SPTBN5: variants seen among roughly 807,000 people sequenced by gnomAD.
The protein encoded by SPTBN5 is spectrin beta chain, non-erythrocytic 5.
In SPTBN5, 513 loss-of-function variants were observed where a neutral mutation model predicts 477.6. The observed-to-expected ratio is 1.07, with a 90% CI of 1.00 to 1.16. The LOEUF is 1.16. Ranked by LOEUF, SPTBN5 falls within the 50% of genes most tolerant of loss-of-function variation. The pLI, the probability that SPTBN5 is intolerant of heterozygous loss-of-function variation, is 0.00. For missense variants in SPTBN5, 5,062 were observed against 4,731.8 expected, an observed-to-expected ratio of 1.07 and a Z score of -2.05; for synonymous variants, 2,169 against 2,011.7, an observed-to-expected ratio of 1.08 and a Z score of -2.09.
chr15:41,880,308 C>CGGA lies in SPTBN5; in HGVS notation c.2660_2662dup (p.Leu887dup). The CGGA allele has an allele frequency of 6.2e-7, 1 of 1,600,884 alleles. No homozygotes were observed. The highest frequency in any genetic ancestry group is 8.5e-7 in the Non-Finnish European group (1 of 1,174,780). On this transcript the variant is annotated inframe_insertion, in exon 14 of 68. Coordinates refer to ENST00000320955, the MANE Select transcript of SPTBN5 (RefSeq NM_016642.4). ...CATGGCCTCCTCCAACCGGGCCCTG[C>CGGA]GGAGCTGGGGAGAGGTGGCCCAAGG...
chr15:41,858,235 T>A (rs2065985469), intron 49 of SPTBN5, among the ~76,000 whole-genome samples: 2 of 152,088 alleles, frequency 1.3e-5, no homozygotes, highest in African/African-American at 2.4e-5. Flanking sequence ...GAGGCGGAGG[T>A]TGCAGTGAGC....
chr15:41,853,865 T>C lies in SPTBN5; in HGVS notation c.9775-78A>G. 3.5e-6 allele frequency: 5 copies of C among 1,447,306 alleles called. No individual in the cohort carries two copies. The South Asian group carries it at 5.4e-5, about 16-fold the overall frequency. The allele number at this position is 1,447,306 out of a possible 1,614,324, so 89.7% of individuals were successfully genotyped here. A position where few individuals can be genotyped will look rare whatever the true frequency, so the allele number is the denominator to read the frequency against. ...GCTCTGCATTCAGGAGCACCAGGCC[T>C]CTCTGAGGAACCACCTCCACTCTGC... On this transcript the variant is annotated intron_variant, in intron 57 of 67. Coordinates refer to ENST00000320955, the MANE Select transcript of SPTBN5 (RefSeq NM_016642.4).
At chr15:41,867,180 T>C in intron 35 of SPTBN5, 54 bp from the exon 36 acceptor site, 1 of 1,475,220 alleles carries the variant, frequency 6.8e-7, no homozygotes, top group Non-Finnish European at 9.0e-7. Context: ...GGGCAGGGCC[T>C]GGCCTGCAGG....
chr15:41,857,473 T>C lies in SPTBN5; in HGVS notation c.8386A>G (p.Met2796Val), dbSNP rs748537507. The part of the protein sequence containing the change: ...ACEALRLRRS[M>V]EELENWLEPI... ...TCCAGCCAGTTCTCCAGTTCCTCCA[T>C]GCTCCGCCGCAGACGCAGGGCCTAG... Residue 2796 changes from methionine to valine, a missense_variant, in exon 51 of 68, where the codon ATG (methionine) becomes GTG (valine). Coordinates refer to ENST00000320955, the MANE Select transcript of SPTBN5 (RefSeq NM_016642.4). 59 of 1,608,548 alleles carry C rather than the reference T, an allele frequency of 3.7e-5. 2 individuals carry two copies. In the Admixed American group the frequency reaches 7.7e-4, roughly 21 times the overall value.
chr15:41,882,216 A>ACC, intron 11 of SPTBN5, 53 bp downstream of exon 11: 1 of 732,010 alleles, frequency 1.4e-6, no homozygotes. Context: ...TGGCACCCCC[A>ACC]CCCCCGCCTC....
At position 41,876,214 on chromosome 15, in the gene SPTBN5, G is replaced by C; in HGVS notation, c.4022C>G (p.Pro1341Arg). The C allele has an allele frequency of 6.2e-7, 1 of 1,604,516 alleles. No individual in the cohort carries two copies. Among genetic ancestry groups the C allele is most frequent in the Non-Finnish European group, 8.5e-7 (1 of 1,179,202 alleles). Reference sequence around the variant, plus strand: ...CAGGATGTTTCTGCGCGCTCCGGAGGGCTCATGCGCAGCCATCAGCCCCTT... The same window carrying C: ...CAGGATGTTTCTGCGCGCTCCGGAGCGCTCATGCGCAGCCATCAGCCCCTT... ...EEKGLMAAHE[P>R]SGARRNILQT... Residue 1341 changes from proline (P) to arginine (R), a missense_variant, in exon 21 of 68, where the codon CCC becomes CGC. Pro to Arg is a moderately radical substitution (Grantham distance 103). Transcript: ENST00000320955.
In SPTBN5 at chr15:41,881,118, A is replaced by C. The variant is rs756153433; in HGVS notation, c.2574T>G (p.Pro858=). The C allele has an allele frequency of 1.2e-6, 2 of 1,613,614 alleles. No homozygotes were observed. Among genetic ancestry groups the C allele is most frequent in the East Asian group, 4.5e-5 (2 of 44,878 alleles). The stretch of plus-strand genomic sequence containing the variant: ...TAGTGTTGGGATCAAAGTCAGGGTC[A>C]GGCTCAGCTGGGAGGGCCATCTTCC... ...DAWKMALPAE[P]DPDFDPNTIL... The change falls in exon 13 of 68, where the codon CCT becomes CCG. Residue 858 remains proline, a synonymous_variant. Transcript: ENST00000320955.
Position 41,848,954 on chromosome 15 carries a change from G to GCAACA in SPTBN5, c.11013-331_11013-327dup, listed in dbSNP as rs138134032. On this transcript the variant is annotated intron_variant, in intron 67 of 67. Coordinates refer to ENST00000320955, the MANE Select transcript of SPTBN5 (RefSeq NM_016642.4). ...GTCCAGGACAAGGCCTGTCCCGTCA[G>GCAACA]CAACACATCATCTAAATCATATATT... Among the ~76,000 whole-genome samples, 784 of 152,338 alleles carry GCAACA rather than the reference G, an allele frequency of 5.1e-3. 7 individuals are homozygous for GCAACA. The highest frequency in any genetic ancestry group is 0.018 in the African/African-American group (742 of 41,570).
chr15:41,892,244 C>T (rs2140973537), intron 3 of SPTBN5, among the ~76,000 whole-genome samples: 1 of 152,326 alleles, frequency 6.6e-6, no homozygotes, highest in South Asian at 2.1e-4. Flanking sequence ...GGGACAGCCA[C>T]CTCCAGGAGC....
intron 29 of SPTBN5, 79 bp from the exon 30 acceptor site, chr15:41,870,639 G>T (rs1009020058): frequency 4.1e-5 from 50 of 1,205,056 alleles, no homozygotes; most frequent in Middle Eastern, 2.4e-4. Flanking sequence ...GGTCTGGTCA[G>T]CCCGCTCCTC....
intron 44 of SPTBN5, 95 bp from the exon 45 acceptor site, chr15:41,862,018 G>A (rs886763726): frequency 1.8e-5 from 27 of 1,522,468 alleles, no homozygotes; most frequent in South Asian, 1.6e-4. Flanking sequence ...GAGGCTGGAG[G>A]AGATAGGCAG....
In SPTBN5 at chr15:41,854,958, C is replaced by T. The variant is rs780385666; in HGVS notation, c.9442G>A (p.Asp3148Asn). 6.4e-7 allele frequency: 1 copy of T among 1,550,630 alleles called. No homozygotes were observed. The highest frequency in any genetic ancestry group is 8.7e-7 in the Non-Finnish European group (1 of 1,149,108). Residue 3148 changes from aspartate (D) to asparagine (N), a missense_variant, in exon 56 of 68, where the codon GAT (aspartate) becomes AAT (asparagine). Asp to Asn is a conservative substitution (Grantham distance 23). Transcript: ENST00000320955. ...CTCTGCACTTCCTTTCTGAAAGCATCAAACTTCTCTTCCAGCACCTGCAAA... is the reference window on the plus strand; with the variant it reads ...CTCTGCACTTCCTTTCTGAAAGCATTAAACTTCTCTTCCAGCACCTGCAAA... ...EGVKVLEEKF[D>N]AFRKEVQSLG...
intron 29 of SPTBN5, 119 bp downstream of exon 29, chr15:41,871,256 G>A (rs1215782620): frequency 1.2e-5 from 14 of 1,195,124 alleles, no homozygotes; most frequent in Admixed American, 8.3e-5. Context: ...GCAGAGCCCC[G>A]TGGGCAGCCA....
intron 62 of SPTBN5, 72 bp downstream of exon 62, chr15:41,852,102 TCACCCCCA>T (rs1471971611): frequency 8.1e-6 from 12 of 1,482,004 alleles, no homozygotes; most frequent in Non-Finnish European, 9.9e-6. Flanking sequence ...GTGTGGGCCC[TCACCCCCA>T]CAGCCCCAGC....
chr15:41,879,651 C>T, intron 15 of SPTBN5, 83 bp downstream of exon 15: 1 of 1,574,646 alleles, frequency 6.4e-7, no homozygotes, highest in African/African-American at 1.3e-5. Context: ...CTCCATCTGG[C>T]ATGGCGGGAG....
intron 16 of SPTBN5, among the ~76,000 whole-genome samples, chr15:41,879,059 C>T (rs998946545): frequency 1.3e-4 from 20 of 152,138 alleles, no homozygotes; most frequent in African/African-American, 4.6e-4. Flanking sequence ...AGCAAGACTC[C>T]GTCTCAAAAA....
chr15:41,891,882 A>T (rs2067325162), intron 3 of SPTBN5, among the ~76,000 whole-genome samples: 1 of 152,202 alleles, frequency 6.6e-6, no homozygotes, highest in Non-Finnish European at 1.5e-5. Flanking sequence ...TCACCCTCAC[A>T]GGTATCAGTG....
At chr15:41,865,672 G>T in intron 39 of SPTBN5, 136 bp downstream of exon 39, 1 of 749,358 alleles carries the variant, frequency 1.3e-6, no homozygotes, top group Non-Finnish European at 2.2e-6. Flanking sequence ...GTGAGAGGAG[G>T]GAGCCTGCCC....
At position 41,857,389 on chromosome 15, in the gene SPTBN5, C is replaced by T. The variant is rs763325678; in HGVS notation, c.8470G>A (p.Glu2824Lys). 1.9e-5 allele frequency: 30 copies of T among 1,583,222 alleles called. No homozygotes were observed. The highest frequency in any genetic ancestry group is 1.7e-4 in the Middle Eastern group (1 of 6,046). The stretch of plus-strand genomic sequence containing the variant: ...AGCTCCCTCTGTGTGCCCAGGAGCT[C>T]GCCCACCCCAGGCAGGGCCTGGCCC... The part of the protein sequence containing the change: ...TVGQALPGVG[E>K]LLGTQRELEA... Residue 2824 changes from glutamate to lysine, a missense_variant, in exon 51 of 68, where the codon GAG (glutamate) becomes AAG (lysine). By Grantham distance (56) the Glu-to-Lys change is moderately conservative. Transcript: ENST00000320955.
Sources: allele counts gnomAD v4.1 joint callset (sites outside exome capture counted in the v4.1 genomes callset), GRCh38; gene constraint gnomAD v4.1.1; transcripts MANE v1.5; gene names NCBI Gene and HGNC (gene_info 2026-07-23, HGNC 2026-07-21).